The following COX11 variants were observed in gnomAD, a reference collection of about 807,000 sequenced individuals.
The protein encoded by COX11 is cytochrome c oxidase copper chaperone COX11.
Under a neutral mutation model 29.4 loss-of-function variants are expected in COX11, and 18 were observed. The observed-to-expected ratio is 0.61, with a 90% CI of 0.42 to 0.91. The LOEUF is 0.91. COX11 is among the 40% of genes least tolerant of loss of function. The pLI is 0.00. For missense variants in COX11, 312 were observed against 346.0 expected (o/e 0.90, Z 0.78); for synonymous variants, 131 against 124.0 (o/e 1.06, Z -0.38).
In COX11 at chr17:54,963,341, G is replaced by C. The variant is rs777842674; in HGVS notation, c.613C>G (p.Pro205Ala). The C allele has an allele frequency of 6.2e-7, 1 of 1,611,688 alleles. No individual in the cohort carries two copies. Residue 205 changes from proline (P) to alanine (A), a missense_variant, in exon 3 of 4, where the codon CCA becomes GCA. Physicochemically the swap from Pro to Ala is conservative, Grantham distance 27. Coordinates refer to ENST00000299335, the MANE Select transcript of COX11 (RefSeq NM_004375.5). ...TTGAAATACTGTCCAGCTTCAAATG[G>C]AACAATATTGTATGTAGAAATTCCA... ...VIGISTYNIV[P>A]FEAGQYFNKI...
chr17:54,957,161 C>G (rs1479193880), downstream of COX11: 1 of 152,230 alleles, frequency 6.6e-6, no homozygotes, highest in East Asian at 1.9e-4. Flanking sequence ...CCAGCCCCAC[C>G]CAACCCTCTG....
intron 1 of COX11, among the ~76,000 whole-genome samples, chr17:54,966,310 G>A (rs917221729): frequency 3.3e-5 from 5 of 152,114 alleles, no homozygotes; most frequent in East Asian, 1.9e-4. Flanking sequence ...AAGATGTCCT[G>A]GTCTCTATTC....
exon 1 of COX11, chr17:54,954,442 T>C (rs1435391942): frequency 2.0e-5 from 3 of 152,254 alleles, no homozygotes; most frequent in Admixed American, 2.0e-4. Context: ...GTTCCCACTA[T>C]GAGTGGTGCT....
chr17:54,952,025 G>A, exon 1 of COX11: 1 of 152,204 alleles, frequency 6.6e-6, no homozygotes, highest in East Asian at 1.9e-4. Flanking sequence ...TGTTAGAGGA[G>A]TGAAAATCTC....
intron 1 of COX11, among the ~76,000 whole-genome samples, 158 bp downstream of exon 1, chr17:54,968,123 G>C (rs540594875): frequency 6.6e-6 from 1 of 151,310 alleles, no homozygotes; most frequent in African/African-American, 2.4e-5. Context: ...TGGTGACTTT[G>C]GGTGTTAAGT....
In COX11 at chr17:54,962,076, C is replaced by A; in HGVS notation, c.*657G>T. ...TGGACTTGTAATGGTGATGCTTTGG[C>A]TAACAGCCTAGTAGATGTATTTTAT... On this transcript the variant is annotated 3_prime_UTR_variant, in exon 4 of 4. Transcript: ENST00000299335. 2 of 979,802 alleles carry A rather than the reference C, an allele frequency of 2.0e-6. No homozygotes were observed. The highest frequency in any genetic ancestry group is 2.4e-6 in the Non-Finnish European group (2 of 824,860). 60.7% of individuals were successfully genotyped at this position (979,802 alleles called of 1,614,324 possible).
Position 54,964,755 on chromosome 17 carries a change from T to C in COX11, c.464A>G (p.Asn155Ser), listed in dbSNP as rs762139436. ...CTGGAGACTTGCATGCACATCTGCA[T>C]TAAAGCTAATTTTAATGATTCGATC... The part of the protein sequence containing the change: ...VKDRIIKISF[N>S]ADVHASLQWN... The change falls in exon 2 of 4, where the codon AAT becomes AGT. Residue 155 changes from asparagine to serine, a missense_variant. Transcript: ENST00000299335. 1 of 1,614,076 alleles carries C rather than the reference T, an allele frequency of 6.2e-7. No homozygotes were observed. The highest frequency in any genetic ancestry group is 2.2e-5 in the East Asian group (1 of 44,860).
chr17:54,967,735 C>T lies in COX11; in HGVS notation c.366+546G>A, dbSNP rs186099330. 7.3e-3 allele frequency among the ~76,000 whole-genome samples: 1,103 copies of T among 152,028 alleles called. 17 individuals carry two copies. Among genetic ancestry groups the T allele is most frequent in the African/African-American group, 0.025 (1,042 of 41,442 alleles). ...ACCGTTGCAATGTACTTAACAGTTTCCAGGTTAAGTACATTACAGTTATAT... is the reference window on the plus strand; with the variant it reads ...ACCGTTGCAATGTACTTAACAGTTTTCAGGTTAAGTACATTACAGTTATAT... On this transcript the variant is annotated intron_variant, in intron 1 of 3. Coordinates refer to ENST00000299335, the MANE Select transcript of COX11 (RefSeq NM_004375.5).
chr17:54,960,834 A>G lies in COX11; in HGVS notation c.*1899T>C, dbSNP rs543277693. Among the ~76,000 whole-genome samples the G allele has an allele frequency of 6.6e-6, 1 of 152,332 alleles. No individual in the cohort carries two copies. The highest frequency in any genetic ancestry group is 2.1e-4 in the South Asian group (1 of 4,828). ...TGTGATTTTCTCATCTGTAAATAGT[A>G]AGGCTTGGGAATACAGTAGTTTATG... is the stretch of plus-strand genomic sequence containing the variant. On this transcript the variant is annotated 3_prime_UTR_variant, in exon 4 of 4. Coordinates refer to ENST00000299335, the MANE Select transcript of COX11 (RefSeq NM_004375.5).
chr17:54,959,753 G>C (rs1394253066), downstream of COX11, among the ~76,000 whole-genome samples: 1 of 151,968 alleles, frequency 6.6e-6, no homozygotes, highest in Non-Finnish European at 1.5e-5. Context: ...GAGTACCTGG[G>C]ACTACAGGTG....
At position 54,960,594 on chromosome 17, in the gene COX11, C is replaced by T; in HGVS notation, c.*2139G>A. The T allele has an allele frequency of 6.2e-7, 1 of 1,613,202 alleles. No individual in the cohort carries two copies. The highest frequency in any genetic ancestry group is 8.5e-7 in the Non-Finnish European group (1 of 1,179,646). ...TATTTATGAAGAAATTGATGCTCAC[C>T]AGCACAAAGGAGCTCAAAATGATGG... On this transcript the variant is annotated 3_prime_UTR_variant, in exon 4 of 4. Coordinates refer to ENST00000299335, the MANE Select transcript of COX11 (RefSeq NM_004375.5).
At position 54,961,982 on chromosome 17, in the gene COX11, G is replaced by C. The variant is rs1317522690; in HGVS notation, c.*751C>G. 1.0e-6 allele frequency: 1 copy of C among 965,352 alleles called. No individual in the cohort carries two copies. The highest frequency in any genetic ancestry group is 1.2e-6 in the Non-Finnish European group (1 of 812,160). 59.8% of individuals were successfully genotyped at this position (965,352 alleles called of 1,614,324 possible). A position where few individuals can be genotyped will look rare whatever the true frequency, so the allele number is the denominator to read the frequency against. On this transcript the variant is annotated 3_prime_UTR_variant, in exon 4 of 4. Coordinates refer to ENST00000299335, the MANE Select transcript of COX11 (RefSeq NM_004375.5). ...TTTAATACTTTTTTTTTTTAACAAA[G>C]GTTTGTTTCCAGAAGAACTTTTGAT...
chr17:54,960,358 C>T (rs550801788), downstream of COX11, among the ~76,000 whole-genome samples: 2 of 152,010 alleles, frequency 1.3e-5, no homozygotes, highest in Non-Finnish European at 2.9e-5. Flanking sequence ...GAGTGAGACT[C>T]TGTCTCAAAA....
At position 54,961,529 on chromosome 17, in the gene COX11, C is replaced by T. The variant is rs2077124805; in HGVS notation, c.*1204G>A. ...CCAATTTAACTGCAGTGTCATGTTT[C>T]ACAGGCCTTCCTACATTTAGAAATC... On this transcript the variant is annotated 3_prime_UTR_variant, in exon 4 of 4. Coordinates refer to ENST00000299335, the MANE Select transcript of COX11 (RefSeq NM_004375.5). The T allele has an allele frequency of 7.2e-7, 1 of 1,393,182 alleles. No individual in the cohort carries two copies. Among genetic ancestry groups the T allele is most frequent in the South Asian group, 1.6e-5 (1 of 61,190 alleles). The allele number at this position is 1,393,182 out of a possible 1,614,324, so 86.3% of individuals were successfully genotyped here.
chr17:54,968,067 A>G (rs1337352597), intron 1 of COX11, among the ~76,000 whole-genome samples: 4 of 145,544 alleles, frequency 2.7e-5, no homozygotes, highest in Non-Finnish European at 5.9e-5. Flanking sequence ...TATAAGCACA[A>G]TCACTAAGAA....
intron 1 of COX11, among the ~76,000 whole-genome samples, chr17:54,965,554 T>C (rs1426204200): frequency 6.6e-6 from 1 of 152,116 alleles, no homozygotes; most frequent in African/African-American, 2.4e-5. Flanking sequence ...TTCCTTGACA[T>C]CACTTTTAAA....
upstream of COX11, chr17:54,968,733 A>C (rs2077328089): frequency 6.8e-7 from 1 of 1,464,298 alleles, no homozygotes; most frequent in Non-Finnish European, 9.1e-7. Context: ...ATCTGGGTTG[A>C]GCCTGCCGCT....
At chr17:54,967,777 C>T (rs2144198076) in intron 1 of COX11, among the ~76,000 whole-genome samples, 1 of 152,196 alleles carries the variant, frequency 6.6e-6, no homozygotes, top group Non-Finnish European at 1.5e-5. Flanking sequence ...AGGGGTGGGG[C>T]GAGAGAGCCT....
chr17:54,953,076 T>C (rs1046367796), exon 1 of COX11: 1 of 152,278 alleles, frequency 6.6e-6, no homozygotes, highest in Non-Finnish European at 1.5e-5. Context: ...GGCTACAGTG[T>C]TGATCAAAAA....
Sources: allele counts gnomAD v4.1 joint callset (sites outside exome capture counted in the v4.1 genomes callset), GRCh38; gene constraint gnomAD v4.1.1; transcripts MANE v1.5; gene names NCBI Gene and HGNC (gene_info 2026-07-23, HGNC 2026-07-21).